The following PPARGC1A variants were observed in gnomAD, a reference collection of about 807,000 sequenced individuals.
PPARGC1A encodes PPARG coactivator 1 alpha, also known as peroxisome proliferator-activated receptor gamma coactivator 1-alpha.
A neutral mutation model predicts 88.7 loss-of-function variants in PPARGC1A; 25 were observed. That is an observed-to-expected ratio of 0.28 (90% CI 0.21 to 0.39). The LOEUF is 0.39. Ranked by LOEUF, PPARGC1A falls within the 10% of genes least tolerant of loss-of-function variation. The pLI, the probability that PPARGC1A is intolerant of heterozygous loss-of-function variation, is 1.00. For missense variants in PPARGC1A, 880 were observed against 968.7 expected (o/e 0.91, Z 1.22); for synonymous variants, 363 against 355.6 (o/e 1.02, Z -0.24).
chr4:24,328,680 T>G, the PPARGC1A span, among the ~76,000 whole-genome samples: 1 of 152,210 alleles, frequency 6.6e-6, no homozygotes, highest in East Asian at 1.9e-4. Flanking sequence ...TATTTTTGTT[T>G]TATTTTGCAA....
chr4:24,275,906 G>A, the PPARGC1A span, among the ~76,000 whole-genome samples: 2 of 152,320 alleles, frequency 1.3e-5, no homozygotes, highest in African/African-American at 2.4e-5. Context: ...CTGTGAATAC[G>A]AAGTTTCATA....
the PPARGC1A span, among the ~76,000 whole-genome samples, chr4:24,023,945 A>G: frequency 6.6e-6 from 1 of 152,222 alleles, no homozygotes; most frequent in Non-Finnish European, 1.5e-5. Flanking sequence ...TTCTTTGAGG[A>G]ACTCATTCCA....
the PPARGC1A span, among the ~76,000 whole-genome samples, chr4:24,409,470 ATACT>A: frequency 5.9e-5 from 9 of 152,338 alleles, no homozygotes; most frequent in African/African-American, 2.2e-4. Context: ...CAATTCCTAA[ATACT>A]TAAAGGGACA....
At chr4:23,940,123 G>C in the PPARGC1A span, among the ~76,000 whole-genome samples, 1 of 152,128 alleles carries the variant, frequency 6.6e-6, no homozygotes, top group Non-Finnish European at 1.5e-5. Context: ...GAACCAGTCT[G>C]GGTCTTCCTT....
chr4:23,804,533 G>T (rs1237321585), intron 10 of PPARGC1A, among the ~76,000 whole-genome samples: 1 of 152,152 alleles, frequency 6.6e-6, no homozygotes, highest in Non-Finnish European at 1.5e-5. Flanking sequence ...TAAGGAAACA[G>T]GAATCCAATG....
At chr4:23,844,957 T>C (rs1728045940) in intron 2 of PPARGC1A, among the ~76,000 whole-genome samples, 1 of 148,198 alleles carries the variant, frequency 6.7e-6, no homozygotes, top group South Asian at 2.1e-4. Context: ...AAGAAAGAAA[T>C]GTTCTAGACA....
the PPARGC1A span, among the ~76,000 whole-genome samples, chr4:24,190,387 T>A: frequency 6.6e-6 from 1 of 151,820 alleles, no homozygotes; most frequent in Admixed American, 6.6e-5. Flanking sequence ...TGGTGGCGGG[T>A]GCCTGTAGTC....
At chr4:24,285,130 T>C in the PPARGC1A span, among the ~76,000 whole-genome samples, 1 of 152,212 alleles carries the variant, frequency 6.6e-6, no homozygotes, top group Non-Finnish European at 1.5e-5. Context: ...ATGAGAACTT[T>C]GCATTGATAA....
the PPARGC1A span, among the ~76,000 whole-genome samples, chr4:23,931,010 C>T: frequency 3.9e-5 from 6 of 152,176 alleles, no homozygotes; most frequent in East Asian, 9.7e-4. Flanking sequence ...GTGGAGTGTC[C>T]GGTGGCATTT....
the PPARGC1A span, among the ~76,000 whole-genome samples, chr4:23,950,101 C>T: frequency 2.3e-3 from 350 of 152,182 alleles, 3 homozygotes; most frequent in Non-Finnish European, 1.5e-3. Flanking sequence ...AACACTTCAT[C>T]GGCAAATTGA....
the PPARGC1A span, among the ~76,000 whole-genome samples, chr4:23,933,147 G>A: frequency 6.6e-6 from 1 of 152,140 alleles, no homozygotes; most frequent in East Asian, 1.9e-4. Context: ...TTTTTAAGTA[G>A]GGGCCATTCC....
At chr4:24,098,883 G>A in the PPARGC1A span, among the ~76,000 whole-genome samples, 1 of 152,156 alleles carries the variant, frequency 6.6e-6, no homozygotes, top group African/African-American at 2.4e-5. Flanking sequence ...CAATTTTTCT[G>A]TACATATGAA....
At chr4:23,799,856 G>C (rs1718338602) in intron 12 of PPARGC1A, among the ~76,000 whole-genome samples, 2 of 152,132 alleles carry the variant, frequency 1.3e-5, no homozygotes, top group Non-Finnish European at 2.9e-5. Flanking sequence ...TGAGAGACTA[G>C]AAACACCCTG....
rs1577672542 is a variant in PPARGC1A, at chr4:23,890,045, A to C, written c.-88T>G. The stretch of plus-strand genomic sequence containing the variant: ...CACTCATGCAGGCAACCAGCCCCTT[A>C]CTGAGAGTGAACTGAAGGCACCTGT... On this transcript the variant is annotated 5_prime_UTR_variant, in exon 1 of 13. Coordinates refer to ENST00000264867, the MANE Select transcript of PPARGC1A (RefSeq NM_013261.5). 7 of 1,582,892 alleles carry C rather than the reference A, an allele frequency of 4.4e-6. No homozygotes were observed. The highest frequency in any genetic ancestry group is 6.0e-6 in the Non-Finnish European group (7 of 1,165,728).
the PPARGC1A span, among the ~76,000 whole-genome samples, chr4:24,009,398 A>T: frequency 6.6e-6 from 1 of 152,140 alleles, no homozygotes; most frequent in African/African-American, 2.4e-5. Context: ...GTGCCTTCTG[A>T]TGATGGCATG....
At chr4:24,434,715 C>T in the PPARGC1A span, among the ~76,000 whole-genome samples, 2 of 152,320 alleles carry the variant, frequency 1.3e-5, no homozygotes, top group African/African-American at 2.4e-5. Context: ...TGTTCATAAA[C>T]GCAGATTGCC....
At chr4:24,038,154 G>A in the PPARGC1A span, among the ~76,000 whole-genome samples, 362 of 152,306 alleles carry the variant, frequency 2.4e-3, 1 homozygote, top group African/African-American at 8.4e-3. Context: ...ATAAGTGGAT[G>A]ACCAGGAGAA....
chr4:24,147,780 C>T, the PPARGC1A span, among the ~76,000 whole-genome samples: 1 of 152,086 alleles, frequency 6.6e-6, no homozygotes, highest in Non-Finnish European at 1.5e-5. Flanking sequence ...AAACCCATCT[C>T]TACTAAAATA....
chr4:24,216,081 C>G, the PPARGC1A span, among the ~76,000 whole-genome samples: 1 of 149,874 alleles, frequency 6.7e-6, no homozygotes, highest in Non-Finnish European at 1.5e-5. Context: ...CCAGCCTGAT[C>G]AGACCTCCCC....
Sources: gnomAD v4.1 joint callset for allele counts (sites outside exome capture counted in the v4.1 genomes callset) on GRCh38, gnomAD v4.1.1 for gene constraint, MANE v1.5 for transcripts, NCBI Gene and HGNC (gene_info 2026-07-23, HGNC 2026-07-21) for gene names.